Variants in PTPRK observed in about 807,000 individuals in gnomAD.
PTPRK encodes the protein receptor-type tyrosine-protein phosphatase kappa.
A neutral mutation model predicts 178.0 loss-of-function variants in PTPRK; 75 were observed. The observed-to-expected ratio is 0.42, with a 90% CI of 0.35 to 0.51. The LOEUF is 0.51. Among genes scored for constraint, PTPRK ranks in the 20% least tolerant of loss-of-function variants. The pLI, the probability that PTPRK is intolerant of heterozygous loss-of-function variation, is 0.02. For synonymous variants in PTPRK, 637 were observed against 620.6 expected (o/e 1.03, Z -0.39); for missense variants, 1,441 against 1,797.8 (o/e 0.80, Z 3.59).
chr6:128,056,945 G>C (rs995282177), intron 13 of PTPRK, among the ~76,000 whole-genome samples: 1 of 152,152 alleles, frequency 6.6e-6, no homozygotes, highest in African/African-American at 2.4e-5. Flanking sequence ...TCATTTCTTA[G>C]AAGGTTCTAA....
At chr6:128,409,500 T>C (rs17055831) in intron 1 of PTPRK, among the ~76,000 whole-genome samples, 6,136 of 152,306 alleles carry the variant, frequency 0.04, 443 homozygotes, top group African/African-American at 0.14. Flanking sequence ...TGTGACTACC[T>C]AGCTACTATT....
At chr6:128,457,946 T>C (rs1044732591) in intron 1 of PTPRK, among the ~76,000 whole-genome samples, 1 of 152,130 alleles carries the variant, frequency 6.6e-6, no homozygotes, top group Non-Finnish European at 1.5e-5. Flanking sequence ...CGCCATCTGT[T>C]TAACCACAGT....
intron 24 of PTPRK, among the ~76,000 whole-genome samples, chr6:127,982,134 C>G (rs1775416890): frequency 6.6e-6 from 1 of 152,126 alleles, no homozygotes; most frequent in Non-Finnish European, 1.5e-5. Context: ...TGCCACTGAA[C>G]CCAGACTCAG....
intron 1 of PTPRK, among the ~76,000 whole-genome samples, chr6:128,457,630 C>G (rs1194977956): frequency 2.0e-5 from 3 of 152,108 alleles, no homozygotes; most frequent in African/African-American, 7.2e-5. Context: ...AGACCAAATT[C>G]TTTTCTGCAT....
chr6:128,278,363 T>G lies in PTPRK; in HGVS notation c.496-35761A>C, dbSNP rs28694876. On this transcript the variant is annotated intron_variant, in intron 3 of 29. Transcript: ENST00000368226. ...AGTAGAGACAGTGTTTCACTCTGTT[T>G]GCCAGACTGGTCTTGAAATCCCGAC... Among the ~76,000 whole-genome samples the G allele has an allele frequency of 9.9e-3, 1,502 of 152,086 alleles. 23 individuals carry two copies. Among genetic ancestry groups the G allele is most frequent in the African/African-American group, 0.033 (1,383 of 41,478 alleles).
At chr6:128,464,349 G>C (rs543571007) in intron 1 of PTPRK, among the ~76,000 whole-genome samples, 70 of 151,938 alleles carry the variant, frequency 4.6e-4, no homozygotes, top group Non-Finnish European at 8.5e-4. Context: ...AGAAGGCAAA[G>C]TAAATTACTT....
intron 11 of PTPRK, among the ~76,000 whole-genome samples, chr6:128,068,498 C>T (rs1475107671): frequency 6.6e-6 from 1 of 152,114 alleles, no homozygotes; most frequent in Non-Finnish European, 1.5e-5. Flanking sequence ...CTAACCTAAA[C>T]CTTCTGATAT....
chr6:128,294,037 CT>C (rs565551093), intron 3 of PTPRK, among the ~76,000 whole-genome samples: 1 of 151,924 alleles, frequency 6.6e-6, no homozygotes, highest in African/African-American at 2.4e-5. Flanking sequence ...TTAATCTTTG[CT>C]TTTTTTATAC....
chr6:128,440,008 A>T (rs1846079951), intron 1 of PTPRK, among the ~76,000 whole-genome samples: 1 of 152,196 alleles, frequency 6.6e-6, no homozygotes, highest in African/African-American at 2.4e-5. Flanking sequence ...CACAGGTCCA[A>T]ATATGTAGAT....
At chr6:128,379,125 T>A (rs935127059) in intron 2 of PTPRK, among the ~76,000 whole-genome samples, 3 of 152,130 alleles carry the variant, frequency 2.0e-5, no homozygotes, top group Non-Finnish European at 2.9e-5. Context: ...AATGTTCTAC[T>A]CCCTGTTCTT....
intron 3 of PTPRK, among the ~76,000 whole-genome samples, chr6:128,244,281 A>G (rs1023569946): frequency 3.9e-5 from 6 of 152,216 alleles, no homozygotes; most frequent in Non-Finnish European, 2.9e-5. Flanking sequence ...AAATAAAGGT[A>G]TAAATTTCGA....
At chr6:128,454,447 C>A (rs190078684) in intron 1 of PTPRK, among the ~76,000 whole-genome samples, 1 of 152,146 alleles carries the variant, frequency 6.6e-6, no homozygotes, top group Non-Finnish European at 1.5e-5. Flanking sequence ...AACCAGCCAT[C>A]TTTTTGCTTT....
At chr6:128,321,568 C>T in intron 3 of PTPRK, 1 of 486,416 alleles carries the variant, frequency 2.1e-6, no homozygotes, top group Non-Finnish European at 3.6e-6. Context: ...AAATGCCTCC[C>T]CCTTAACATA....
intron 1 of PTPRK, among the ~76,000 whole-genome samples, chr6:128,478,637 A>G (rs1441937857): frequency 6.6e-6 from 1 of 152,138 alleles, no homozygotes; most frequent in Non-Finnish European, 1.5e-5. Context: ...TTTGTTTTTT[A>G]GCAAAAGTAA....
At chr6:128,502,030 G>C (rs1459560822) in intron 1 of PTPRK, among the ~76,000 whole-genome samples, 1 of 152,112 alleles carries the variant, frequency 6.6e-6, no homozygotes, top group East Asian at 1.9e-4. Flanking sequence ...CTTAAATATT[G>C]GGTGCTCTTG....
chr6:127,985,679 A>G, intron 22 of PTPRK, 42 bp downstream of exon 22: 1 of 1,529,856 alleles, frequency 6.5e-7, no homozygotes, highest in South Asian at 1.2e-5. Flanking sequence ...CTCTAAAAAA[A>G]GCTGATTGCA....
At chr6:128,316,691 C>T (rs1164895251) in intron 3 of PTPRK, among the ~76,000 whole-genome samples, 1 of 149,198 alleles carries the variant, frequency 6.7e-6, no homozygotes, top group East Asian at 2.0e-4. Context: ...GTCACCTTCA[C>T]AGGGTTCTAA....
intron 1 of PTPRK, among the ~76,000 whole-genome samples, chr6:128,401,973 G>C (rs998782341): frequency 1.3e-5 from 2 of 152,042 alleles, no homozygotes; most frequent in Non-Finnish European, 2.9e-5. Context: ...CTTCCATTCA[G>C]GACACAGAGA....
At chr6:127,991,581 GTTTTT>G (rs55842054) in intron 19 of PTPRK, among the ~76,000 whole-genome samples, 190 bp from the exon 20 acceptor site, 2 of 135,474 alleles carry the variant, frequency 1.5e-5, no homozygotes, top group Non-Finnish European at 3.2e-5. Context: ...GCATATACAA[GTTTTT>G]TTTTTTTTTT....
Sources: allele counts gnomAD v4.1 joint callset (sites outside exome capture counted in the v4.1 genomes callset), GRCh38; gene constraint gnomAD v4.1.1; transcripts MANE v1.5; gene names NCBI Gene and HGNC (gene_info 2026-07-23, HGNC 2026-07-21).